TLL1: variants seen among roughly 807,000 people sequenced by gnomAD.
TLL1 encodes the protein tolloid like 1.
A neutral mutation model predicts 128.2 loss-of-function variants in TLL1; 49 were observed. The ratio of observed to expected loss-of-function variants is 0.38; its 90% CI spans 0.30 to 0.48. The LOEUF is 0.48. Ranked by LOEUF, TLL1 falls within the 20% of genes least tolerant of loss-of-function variation. TLL1 has a pLI of 0.96. For missense variants in TLL1, 1,123 were observed against 1,242.0 expected (o/e 0.90, Z 1.44); for synonymous variants, 454 against 418.8 (o/e 1.08, Z -1.03).
chr4:166,099,624 T>C (rs1197973409), intron 20 of TLL1, 97 bp downstream of exon 20: 1 of 1,352,590 alleles, frequency 7.4e-7, no homozygotes, highest in East Asian at 2.4e-5. Context: ...CAATGCTTTT[T>C]GCAAAAAAAA....
At chr4:165,897,383 A>G (rs1731730021) in intron 1 of TLL1, among the ~76,000 whole-genome samples, 1 of 152,200 alleles carries the variant, frequency 6.6e-6, no homozygotes, top group Non-Finnish European at 1.5e-5. Context: ...TCTTTAATCC[A>G]TGTTGAGTTA....
At chr4:166,100,683 A>T in intron 20 of TLL1, 59 bp from the exon 21 acceptor site, 1 of 1,606,978 alleles carries the variant, frequency 6.2e-7, no homozygotes, top group Non-Finnish European at 8.5e-7. Context: ...GTTACACTGA[A>T]GAAAAAGTGA....
At chr4:165,887,977 A>G (rs991342596) in intron 1 of TLL1, among the ~76,000 whole-genome samples, 2 of 152,078 alleles carry the variant, frequency 1.3e-5, no homozygotes, top group Non-Finnish European at 2.9e-5. Context: ...AATGTGTTTG[A>G]TTTTTTATAT....
chr4:166,059,701 T>C (rs1022927138), intron 14 of TLL1, among the ~76,000 whole-genome samples: 1 of 152,120 alleles, frequency 6.6e-6, no homozygotes, highest in African/African-American at 2.4e-5. Context: ...TACAAGATAT[T>C]ATTAGACCAA....
At chr4:165,907,165 C>T (rs1179285528) in intron 1 of TLL1, among the ~76,000 whole-genome samples, 1 of 152,158 alleles carries the variant, frequency 6.6e-6, no homozygotes, top group Non-Finnish European at 1.5e-5. Context: ...GAAGATTACA[C>T]TTGTGACCCC....
chr4:165,904,762 A>T (rs751163762), intron 1 of TLL1, among the ~76,000 whole-genome samples: 3 of 152,342 alleles, frequency 2.0e-5, no homozygotes, highest in Non-Finnish European at 4.4e-5. Flanking sequence ...CACATCTTTG[A>T]TGAAGACTTG....
chr4:166,025,288 A>G (rs1162865289), intron 8 of TLL1, 28 bp from the exon 9 acceptor site: 1 of 1,451,482 alleles, frequency 6.9e-7, no homozygotes, highest in Non-Finnish European at 9.7e-7. Flanking sequence ...AAATTAACCA[A>G]TGATCTTATA....
At chr4:166,042,762 T>G (rs999256708) in intron 11 of TLL1, among the ~76,000 whole-genome samples, 2 of 152,192 alleles carry the variant, frequency 1.3e-5, no homozygotes, top group East Asian at 3.9e-4. Flanking sequence ...CCCTTAAACT[T>G]TTAAGTAAAC....
chr4:166,026,591 G>T (rs947392721), intron 9 of TLL1, among the ~76,000 whole-genome samples: 2 of 152,148 alleles, frequency 1.3e-5, no homozygotes, highest in African/African-American at 4.8e-5. Flanking sequence ...AGAGGATGAG[G>T]CAGGATAATT....
Position 165,873,960 on chromosome 4 carries a change from T to C in TLL1, c.56T>C (p.Ile19Thr). Residue 19 changes from isoleucine (I) to threonine (T), a missense_variant, in exon 1 of 21, where the codon ATT (isoleucine) becomes ACT (threonine). By Grantham distance (89) the Ile-to-Thr change is moderately conservative. Coordinates refer to ENST00000061240, the MANE Select transcript of TLL1 (RefSeq NM_012464.5). ...CTCGTGTGGCTGGTGGCCTCGGGGATTGTTTTCTACGGGGAGCTATGGGTC... is the reference window on the plus strand; with the variant it reads ...CTCGTGTGGCTGGTGGCCTCGGGGACTGTTTTCTACGGGGAGCTATGGGTC... Reference protein sequence around the residue: ...RMLVWLVASGIVFYGELWVCA... With the variant: ...RMLVWLVASGTVFYGELWVCA... The C allele has an allele frequency of 6.2e-7, 1 of 1,614,052 alleles. No individual in the cohort carries two copies. The highest frequency in any genetic ancestry group is 8.5e-7 in the Non-Finnish European group (1 of 1,179,992).
At chr4:165,947,212 T>C (rs748118980) in intron 1 of TLL1, among the ~76,000 whole-genome samples, 2 of 152,086 alleles carry the variant, frequency 1.3e-5, no homozygotes, top group African/African-American at 2.4e-5. Flanking sequence ...TGTGAGCTGG[T>C]GGGGACAGGG....
At chr4:165,960,623 A>G (rs548190303) in intron 1 of TLL1, among the ~76,000 whole-genome samples, 2 of 152,258 alleles carry the variant, frequency 1.3e-5, no homozygotes, top group East Asian at 3.9e-4. Context: ...CCACAATCAA[A>G]TAGGTTTTAT....
intron 1 of TLL1, among the ~76,000 whole-genome samples, chr4:165,974,131 A>ATTTTT (rs1735759298): frequency 1.5e-3 from 78 of 53,788 alleles, no homozygotes; most frequent in Non-Finnish European, 2.0e-3. Context: ...CCTGGACCTC[A>ATTTTT]TCTTTTTTTT....
intron 1 of TLL1, among the ~76,000 whole-genome samples, chr4:165,932,858 T>C (rs1252644667): frequency 6.6e-6 from 1 of 152,130 alleles, no homozygotes; most frequent in Admixed American, 6.5e-5. Flanking sequence ...ATTGTGATAT[T>C]GAATTGTTCA....
chr4:165,924,240 C>T (rs955249683), intron 1 of TLL1, among the ~76,000 whole-genome samples: 7 of 152,140 alleles, frequency 4.6e-5, no homozygotes, highest in Non-Finnish European at 1.0e-4. Context: ...ATAGTATGTC[C>T]AAAGCCGAGA....
At chr4:166,034,787 C>T (rs1738924346) in intron 9 of TLL1, among the ~76,000 whole-genome samples, 1 of 152,102 alleles carries the variant, frequency 6.6e-6, no homozygotes, top group Non-Finnish European at 1.5e-5. Flanking sequence ...AACAAAGCTC[C>T]TCAGACTGAG....
intron 1 of TLL1, among the ~76,000 whole-genome samples, chr4:165,875,531 C>CT (rs1046156756): frequency 6.6e-6 from 1 of 152,164 alleles, no homozygotes; most frequent in Admixed American, 6.5e-5. Context: ...CCTGCTGTCA[C>CT]TTTTAATAAC....
intron 1 of TLL1, among the ~76,000 whole-genome samples, chr4:165,875,670 A>G (rs1730693072): frequency 6.6e-6 from 1 of 152,162 alleles, no homozygotes; most frequent in Non-Finnish European, 1.5e-5. Flanking sequence ...CCTTAAATGT[A>G]CTTTTTGCTA....
At chr4:165,973,414 C>G (rs977109297) in intron 1 of TLL1, among the ~76,000 whole-genome samples, 1 of 152,034 alleles carries the variant, frequency 6.6e-6, no homozygotes. Flanking sequence ...CATGTTCTAC[C>G]TTTGGAATCG....
Sources: allele counts gnomAD v4.1 joint callset (sites outside exome capture counted in the v4.1 genomes callset), GRCh38; gene constraint gnomAD v4.1.1; transcripts MANE v1.5; gene names NCBI Gene and HGNC (gene_info 2026-07-23, HGNC 2026-07-21).